The following ZC3H15 variants were observed in gnomAD, a reference collection of about 807,000 sequenced individuals.
The protein encoded by ZC3H15 is zinc finger CCCH domain-containing protein 15.
Under a neutral mutation model 51.2 loss-of-function variants are expected in ZC3H15, and 15 were observed. That is an observed-to-expected ratio of 0.29 (90% CI 0.20 to 0.45). The LOEUF is 0.45. Ranked by LOEUF, ZC3H15 falls within the 20% of genes least tolerant of loss-of-function variation. ZC3H15 has a pLI of 1.00. For synonymous variants in ZC3H15, 144 were observed against 162.8 expected (o/e 0.88, Z 0.88); for missense variants, 381 against 494.7 (o/e 0.77, Z 2.18).
chr2:186,501,769 T>A (rs1417616882), intron 4 of ZC3H15, among the ~76,000 whole-genome samples: 1 of 151,802 alleles, frequency 6.6e-6, no homozygotes, highest in Non-Finnish European at 1.5e-5. Context: ...TGGAGTGCAG[T>A]GGCACGATCT....
chr2:186,500,540 A>G, intron 3 of ZC3H15: 1 of 612,826 alleles, frequency 1.6e-6, no homozygotes, highest in Non-Finnish European at 3.0e-6. Context: ...AATTTAATAG[A>G]CTGCTAATTG....
chr2:186,502,187 A>G (rs1161834069), intron 4 of ZC3H15, among the ~76,000 whole-genome samples: 2 of 151,896 alleles, frequency 1.3e-5, no homozygotes, highest in Non-Finnish European at 2.9e-5. Flanking sequence ...CCATCTCTAC[A>G]AAAAAATAGA....
At chr2:186,490,474 T>C (rs374973436) in intron 1 of ZC3H15, among the ~76,000 whole-genome samples, 5 of 152,244 alleles carry the variant, frequency 3.3e-5, no homozygotes, top group South Asian at 4.1e-4. Flanking sequence ...CAGCTACCAA[T>C]AGCCAAAATC....
Position 186,502,586 on chromosome 2 carries a change from T to G in ZC3H15, c.533T>G (p.Ile178Arg). 6.2e-7 allele frequency: 1 copy of G among 1,607,828 alleles called. No homozygotes were observed. ...GAAAAGAAAAAACCAAAAACTCAAA[T>G]AGTATGTCCTTTTCTTGAATTGAGT... ...EAEKKKPKTQIVCKHFLEAIE... is the reference protein window; with the variant it reads ...EAEKKKPKTQRVCKHFLEAIE... The change falls in exon 5 of 10, where the codon ATA becomes AGA. Residue 178 changes from isoleucine (I) to arginine (R), a missense_variant and splice_region_variant. Coordinates refer to ENST00000337859, the MANE Select transcript of ZC3H15 (RefSeq NM_018471.3).
At chr2:186,496,704 C>T (rs974986561) in intron 2 of ZC3H15, among the ~76,000 whole-genome samples, 8 of 152,202 alleles carry the variant, frequency 5.3e-5, no homozygotes, top group Admixed American at 5.2e-4. Flanking sequence ...GCCTACTACA[C>T]ACCTAGGCTA....
intron 1 of ZC3H15, 82 bp from the exon 2 acceptor site, chr2:186,495,151 A>G: frequency 1.3e-6 from 1 of 790,666 alleles, no homozygotes; most frequent in Non-Finnish European, 1.9e-6. Flanking sequence ...TTATCAATAA[A>G]AATAATGATT....
chr2:186,489,665 T>C (rs2105584615), intron 1 of ZC3H15, among the ~76,000 whole-genome samples: 1 of 152,330 alleles, frequency 6.6e-6, no homozygotes, highest in Middle Eastern at 3.4e-3. Flanking sequence ...TTTCCTCTTC[T>C]GTACCTGTTC....
intron 6 of ZC3H15, 111 bp downstream of exon 6, chr2:186,504,325 G>C (rs1397729248): frequency 5.1e-6 from 5 of 977,760 alleles, no homozygotes; most frequent in Non-Finnish European, 7.0e-6. Flanking sequence ...AAAAAATATT[G>C]TGATCTATTC....
rs181021920 is a variant in ZC3H15 at position 186,506,947 on chromosome 2, T to C, written c.1090+111T>C. ...GCAGGTACCAGATTGGTAACATAAATGTGTGGTTTGACCATAAATAAAAGC... is the reference window on the plus strand; with the variant it reads ...GCAGGTACCAGATTGGTAACATAAACGTGTGGTTTGACCATAAATAAAAGC... On this transcript the variant is annotated intron_variant, in intron 9 of 9. Transcript: ENST00000337859. 60 of 1,198,110 alleles carry C rather than the reference T, an allele frequency of 5.0e-5. No individual in the cohort carries two copies. In the African/African-American group the frequency reaches 8.5e-4, roughly 17 times the overall value. The allele number at this position is 1,198,110 out of a possible 1,614,324, so 74.2% of individuals were successfully genotyped here. A position where few individuals can be genotyped will look rare whatever the true frequency, so the allele number is the denominator to read the frequency against.
chr2:186,503,972 C>T, intron 5 of ZC3H15, 60 bp from the exon 6 acceptor site: 1 of 1,370,822 alleles, frequency 7.3e-7, no homozygotes, highest in Non-Finnish European at 9.8e-7. Flanking sequence ...TATACTCAGG[C>T]ATTTACCTTG....
At chr2:186,489,089 T>C (rs1685154197) in intron 1 of ZC3H15, 1 of 152,626 alleles carries the variant, frequency 6.6e-6, no homozygotes, top group Non-Finnish European at 1.5e-5. Context: ...TTGAAATGTG[T>C]CCACTTGCCT....
intron 1 of ZC3H15, 29 bp from the exon 2 acceptor site, chr2:186,495,204 A>G (rs1195150911): frequency 2.2e-6 from 3 of 1,372,198 alleles, no homozygotes; most frequent in South Asian, 1.5e-5. Context: ...ATAAATTGCT[A>G]AGATATTTCT....
At position 186,505,840 on chromosome 2, in the gene ZC3H15, A is replaced by T; in HGVS notation, c.965A>T (p.Glu322Val). ...TACACCCAGGGAACAGGTGGTGATG[A>T]GGTAAGAGGAAGCTTTGTGCCTCAT... Reference protein sequence around the residue: ...TRYTQGTGGDEVDDSVSVNDI... With the variant: ...TRYTQGTGGDVVDDSVSVNDI... The change falls in exon 8 of 10, where the codon GAG (glutamate) becomes GTG (valine). Residue 322 changes from glutamate to valine, a missense_variant and splice_region_variant. Physicochemically the swap from Glu to Val is moderately radical, Grantham distance 121. Transcript: ENST00000337859. The T allele has an allele frequency of 6.2e-7, 1 of 1,613,636 alleles. No individual in the cohort carries two copies. Among genetic ancestry groups the T allele is most frequent in the Non-Finnish European group, 8.5e-7 (1 of 1,179,818 alleles).
intron 6 of ZC3H15, 68 bp from the exon 7 acceptor site, chr2:186,505,383 G>A: frequency 6.8e-7 from 1 of 1,480,644 alleles, no homozygotes; most frequent in African/African-American, 1.4e-5. Context: ...CACATTAAGA[G>A]ATAACTGCAA....
At chr2:186,500,135 A>G (rs767198652) in intron 2 of ZC3H15, 47 bp from the exon 3 acceptor site, 4 of 1,539,318 alleles carry the variant, frequency 2.6e-6, no homozygotes, top group Non-Finnish European at 3.5e-6. Context: ...AGTAAAAACA[A>G]TTTTGTAAAC....
intron 1 of ZC3H15, among the ~76,000 whole-genome samples, chr2:186,489,706 A>G (rs1685163650): frequency 6.6e-6 from 1 of 152,180 alleles, no homozygotes; most frequent in African/African-American, 2.4e-5. Context: ...TTCACTGTGG[A>G]AAAATCAACA....
intron 5 of ZC3H15, among the ~76,000 whole-genome samples, chr2:186,503,224 C>T (rs1389111849): frequency 6.6e-6 from 1 of 152,116 alleles, no homozygotes; most frequent in Non-Finnish European, 1.5e-5. Context: ...CTCTTACTTG[C>T]AAAGCTTAAT....
intron 1 of ZC3H15, among the ~76,000 whole-genome samples, chr2:186,492,946 A>C (rs971476713): frequency 6.6e-6 from 1 of 152,168 alleles, no homozygotes; most frequent in Non-Finnish European, 1.5e-5. Context: ...AATGAGAAAG[A>C]AATACAAATT....
At chr2:186,507,444 A>G in intron 9 of ZC3H15, 1 of 456,696 alleles carries the variant, frequency 2.2e-6, no homozygotes, top group Non-Finnish European at 4.4e-6. Flanking sequence ...GAAAACCTAA[A>G]TGTATCTGTA....
Sources: allele counts gnomAD v4.1 joint callset (sites outside exome capture counted in the v4.1 genomes callset), GRCh38; gene constraint gnomAD v4.1.1; transcripts MANE v1.5; gene names NCBI Gene and HGNC (gene_info 2026-07-23, HGNC 2026-07-21).